The following USP25 variants were observed in gnomAD, a reference collection of about 807,000 sequenced individuals.
USP25 encodes ubiquitin carboxyl-terminal hydrolase 25.
In USP25, 85 loss-of-function variants were observed where a neutral mutation model predicts 158.5. The observed-to-expected ratio is 0.54, with a 90% CI of 0.45 to 0.64. The LOEUF (loss-of-function observed/expected upper bound fraction) is 0.64. USP25 is among the 30% of genes least tolerant of loss of function. The probability of loss-of-function intolerance (pLI) is 0.00; values close to 1 mark genes in which losing one functional copy is unlikely to be tolerated. For missense variants in USP25, 1,242 were observed against 1,327.3 expected (o/e 0.94, Z 1.00); for synonymous variants, 464 against 460.4 (o/e 1.01, Z -0.10).
chr21:15,826,564 A>C lies in USP25; in HGVS notation c.1466+199A>C, dbSNP rs1310017749. ...AGTAGATTTTATGGTTATGGATTAA[A>C]ATTTTAATCACATTTTTTTTCAGTT... On this transcript the variant is annotated intron_variant, in intron 13 of 25. Coordinates refer to ENST00000400183, the MANE Select transcript of USP25 (RefSeq NM_001283041.3). This position sits in a 1 kb window ranked among gnomAD's most constrained non-coding sequence, Gnocchi z 4.8. 6.6e-6 allele frequency among the ~76,000 whole-genome samples: 1 copy of C among 152,104 alleles called. No individual in the cohort carries two copies. Among genetic ancestry groups the C allele is most frequent in the African/African-American group, 2.4e-5 (1 of 41,380 alleles).
At chr21:15,823,915 C>T in intron 10 of USP25, 124 bp from the exon 11 acceptor site, 1 of 936,972 alleles carries the variant, frequency 1.1e-6, no homozygotes, top group South Asian at 1.9e-5. Context: ...TACCCAGTTA[C>T]TTGTCAGGTC....
intron 1 of USP25, among the ~76,000 whole-genome samples, chr21:15,755,375 C>A (rs1219107481): frequency 2.0e-5 from 3 of 152,160 alleles, no homozygotes; most frequent in African/African-American, 7.2e-5. Context: ...CCTTTGTTGT[C>A]AGTGGTGCTT....
intron 1 of USP25, among the ~76,000 whole-genome samples, chr21:15,736,932 A>G (rs1266687772): frequency 2.7e-5 from 4 of 148,892 alleles, no homozygotes; most frequent in East Asian, 2.0e-4. Context: ...TTTTTTCCAG[A>G]TAAGTTAACT....
chr21:15,814,493 G>C (rs2036835647), intron 9 of USP25, among the ~76,000 whole-genome samples: 1 of 152,164 alleles, frequency 6.6e-6, no homozygotes, highest in Non-Finnish European at 1.5e-5. Flanking sequence ...CTAGAGATTT[G>C]TTGAATGGCT....
chr21:15,823,951 T>A (rs2037363960), intron 10 of USP25, 88 bp from the exon 11 acceptor site: 2 of 1,323,618 alleles, frequency 1.5e-6, no homozygotes, highest in Middle Eastern at 2.1e-4. Context: ...CATATAACAA[T>A]GTCAGTGCCC....
rs148864075 is a variant in USP25 at position 15,776,415 on chromosome 21, T to A, written c.269-1489T>A. Reference sequence around the variant, plus strand: ...TTAAATCTTCTTACAAGCTACTATTTGGAGAACGTGTGGATAAAAATAGAA... The same window carrying A: ...TTAAATCTTCTTACAAGCTACTATTAGGAGAACGTGTGGATAAAAATAGAA... On this transcript the variant is annotated intron_variant, in intron 3 of 25. Coordinates refer to ENST00000400183, the MANE Select transcript of USP25 (RefSeq NM_001283041.3). 2.3e-3 allele frequency among the ~76,000 whole-genome samples: 357 copies of A among 152,254 alleles called. 5 individuals carry two copies. The highest frequency in any genetic ancestry group is 0.01 in the Middle Eastern group (3 of 294).
In USP25 at chr21:15,847,888, G is replaced by A. The variant is rs1334009057; in HGVS notation, c.2451+112G>A. 34 of 539,306 alleles carry A rather than the reference G, an allele frequency of 6.3e-5. No individual in the cohort carries two copies. The East Asian group carries it at 9.2e-4, about 15-fold the overall frequency. The allele number at this position is 539,306 out of a possible 1,614,324, so 33.4% of individuals were successfully genotyped here. A position where few individuals can be genotyped will look rare whatever the true frequency, so the allele number is the denominator to read the frequency against. ...AATGTCTATTGCCACATAACATACA[G>A]CTTTGCCCCCTCATAGTCCAAAATT... is the stretch of plus-strand genomic sequence containing the variant. On this transcript the variant is annotated intron_variant, in intron 19 of 25. Coordinates refer to ENST00000400183, the MANE Select transcript of USP25 (RefSeq NM_001283041.3).
intron 17 of USP25, 92 bp from the exon 18 acceptor site, chr21:15,842,306 A>AT (rs951538331): frequency 7.2e-7 from 1 of 1,380,150 alleles, no homozygotes; most frequent in Non-Finnish European, 9.7e-7. Flanking sequence ...TGGTTCTTAC[A>AT]TAACTTCAGA....
At chr21:15,748,650 C>T (rs969203308) in intron 1 of USP25, among the ~76,000 whole-genome samples, 1 of 151,912 alleles carries the variant, frequency 6.6e-6, no homozygotes, top group Non-Finnish European at 1.5e-5. Context: ...TAAATATAAA[C>T]TAGGCATACA....
At chr21:15,865,147 G>T (rs1014811902) in intron 21 of USP25, among the ~76,000 whole-genome samples, 4 of 152,048 alleles carry the variant, frequency 2.6e-5, no homozygotes, top group Admixed American at 2.6e-4. Context: ...GTTTTATAAA[G>T]AATTATTCAG....
At chr21:15,877,726 ATACT>A (rs1416741051) in intron 24 of USP25, 66 bp from the exon 25 acceptor site, 2 of 1,104,336 alleles carry the variant, frequency 1.8e-6, no homozygotes, top group Admixed American at 5.3e-5. Context: ...TTCCTTATTA[ATACT>A]TACAGATCCT....
intron 8 of USP25, among the ~76,000 whole-genome samples, chr21:15,810,546 T>C (rs994729861): frequency 6.6e-6 from 1 of 152,310 alleles, no homozygotes; most frequent in Non-Finnish European, 1.5e-5. Context: ...TGGTATTAAA[T>C]GACTTGGAAA....
At position 15,865,794 on chromosome 21, in the gene USP25, C is replaced by T. The variant is rs557073029; in HGVS notation, c.2727-472C>T. The stretch of plus-strand genomic sequence containing the variant: ...TATGCACATGTGAATAAATACATTT[C>T]GTGAGGATTTCTTTATCACTGATTC... On this transcript the variant is annotated intron_variant, in intron 21 of 25. Transcript: ENST00000400183. Among the ~76,000 whole-genome samples, 6 of 152,132 alleles carry T rather than the reference C, an allele frequency of 3.9e-5. No homozygotes were observed. The South Asian group carries it at 1.0e-3, about 26-fold the overall frequency.
chr21:15,735,519 G>A (rs1181231577), intron 1 of USP25, among the ~76,000 whole-genome samples: 1 of 152,146 alleles, frequency 6.6e-6, no homozygotes, highest in Non-Finnish European at 1.5e-5. Context: ...CGCAGATTTT[G>A]GCCTCTGGGG....
intron 6 of USP25, among the ~76,000 whole-genome samples, chr21:15,802,033 C>G (rs1188688304): frequency 1.3e-5 from 2 of 151,544 alleles, no homozygotes; most frequent in African/African-American, 4.8e-5. Context: ...ATCATCCCCT[C>G]TCCCCTCACA....
chr21:15,843,047 CTGTT>C lies in USP25; in HGVS notation c.2337+511_2337+514del, dbSNP rs753775347. The stretch of plus-strand genomic sequence containing the variant: ...GAAGGATAAGTAGGATGTTGCAAAA[CTGTT>C]TGTGAATATTTTAAGAACGTCCTGT... On this transcript the variant is annotated intron_variant, in intron 18 of 25. Transcript: ENST00000400183. This position sits in a 1 kb window ranked among gnomAD's most constrained non-coding sequence, Gnocchi z 4.0. Among the ~76,000 whole-genome samples the C allele has an allele frequency of 6.6e-5, 10 of 151,704 alleles. No individual in the cohort carries two copies. The highest frequency in any genetic ancestry group is 1.9e-4 in the East Asian group (1 of 5,174).
chr21:15,747,993 A>AT (rs2032698027), intron 1 of USP25, among the ~76,000 whole-genome samples: 1 of 152,008 alleles, frequency 6.6e-6, no homozygotes, highest in African/African-American at 2.4e-5. Flanking sequence ...GCTTCCTTTA[A>AT]TATTTGAACT....
intron 1 of USP25, among the ~76,000 whole-genome samples, chr21:15,731,487 TGACTTTA>T (rs1307096904): frequency 2.0e-5 from 3 of 152,134 alleles, no homozygotes; most frequent in Admixed American, 2.0e-4. Context: ...TACCTGTGCT[TGACTTTA>T]GAATAAGACC....
chr21:15,799,974 A>G (rs1440651028), intron 6 of USP25, 131 bp downstream of exon 6: 2 of 464,154 alleles, frequency 4.3e-6, no homozygotes, highest in Non-Finnish European at 3.7e-6. Context: ...CATTAATCTT[A>G]GTTACCATAG....
Sources: allele counts gnomAD v4.1 joint callset (sites outside exome capture counted in the v4.1 genomes callset), GRCh38; gene constraint gnomAD v4.1.1; non-coding constraint Gnocchi (gnomAD v3.1); transcripts MANE v1.5; gene names NCBI Gene and HGNC (gene_info 2026-07-23, HGNC 2026-07-21).